The following NSD2 variants were observed in gnomAD, a reference collection of about 807,000 sequenced individuals.
NSD2 encodes the protein histone-lysine N-methyltransferase NSD2.
A neutral mutation model predicts 139.0 loss-of-function variants in NSD2; 12 were observed. The ratio of observed to expected loss-of-function variants is 0.09; its 90% CI spans 0.06 to 0.14. The LOEUF is 0.14. Ranked by LOEUF, NSD2 falls within the 10% of genes least tolerant of loss-of-function variation. The pLI is 1.00. For missense variants in NSD2, 1,155 were observed against 1,745.0 expected, an observed-to-expected ratio of 0.66 and a Z score of 6.02; for synonymous variants, 669 against 648.7, an observed-to-expected ratio of 1.03 and a Z score of -0.48.
chr4:1,978,370 A>G (rs1727345498), intron 21 of NSD2, among the ~76,000 whole-genome samples: 1 of 152,068 alleles, frequency 6.6e-6, no homozygotes, highest in Non-Finnish European at 1.5e-5. Context: ...ACACTCCTGC[A>G]CCCGGCACAG....
intron 1 of NSD2, among the ~76,000 whole-genome samples, chr4:1,898,416 G>A (rs1469140647): frequency 6.6e-6 from 1 of 152,194 alleles, no homozygotes; most frequent in Non-Finnish European, 1.5e-5. Context: ...TGTAATCCCA[G>A]CACTTTGGGA....
At chr4:1,938,306 C>T in intron 7 of NSD2, 145 bp from the exon 8 acceptor site, 1 of 653,992 alleles carries the variant, frequency 1.5e-6, no homozygotes. Flanking sequence ...TGCCACGAAA[C>T]TTTTCAGCAA....
At chr4:1,898,658 TAAA>T (rs967880779) in intron 1 of NSD2, among the ~76,000 whole-genome samples, 3 of 119,310 alleles carry the variant, frequency 2.5e-5, no homozygotes, top group Non-Finnish European at 3.5e-5. Flanking sequence ...AGACTCCGTC[TAAA>T]AAAAAAAAAA....
At chr4:1,878,109 G>A (rs1714396720) in intron 1 of NSD2, among the ~76,000 whole-genome samples, 1 of 150,284 alleles carries the variant, frequency 6.7e-6, no homozygotes, top group African/African-American at 2.4e-5. Flanking sequence ...CACCCAGGCT[G>A]GAGTGCAGTG....
chr4:1,951,389 C>A (rs1724209468), intron 10 of NSD2, among the ~76,000 whole-genome samples, 186 bp downstream of exon 10: 1 of 149,790 alleles, frequency 6.7e-6, no homozygotes. Flanking sequence ...TGAGTTGTCT[C>A]CATTAACATC....
chr4:1,901,318 G>A, intron 2 of NSD2, 67 bp downstream of exon 2: 6 of 1,351,812 alleles, frequency 4.4e-6, no homozygotes, highest in Non-Finnish European at 5.0e-6. Flanking sequence ...CCCTATGAGG[G>A]CACCTGCACG....
At chr4:1,935,370 C>A in intron 7 of NSD2, 108 bp downstream of exon 7, 2 of 773,234 alleles carry the variant, frequency 2.6e-6, no homozygotes, top group Non-Finnish European at 4.3e-6. Context: ...TGTCAGTGCA[C>A]CCAGCTCCTT....
chr4:1,963,863 T>A (rs1725608199), intron 18 of NSD2, among the ~76,000 whole-genome samples: 1 of 152,108 alleles, frequency 6.6e-6, no homozygotes, highest in East Asian at 1.9e-4. Context: ...AGAAAAAAAA[T>A]TAGCCGTGCC....
chr4:1,947,668 C>T, intron 9 of NSD2: 1 of 1,055,338 alleles, frequency 9.5e-7, no homozygotes, highest in Non-Finnish European at 1.1e-6. Flanking sequence ...GAGCACAGGG[C>T]TGTTGTCATT....
At chr4:1,964,473 C>T (rs1016242145) in intron 18 of NSD2, among the ~76,000 whole-genome samples, 2 of 152,174 alleles carry the variant, frequency 1.3e-5, no homozygotes, top group African/African-American at 4.8e-5. Flanking sequence ...ACCCATGCCC[C>T]ACAGACAGCC....
chr4:1,978,058 C>T lies in NSD2; in HGVS notation c.3827-580C>T, dbSNP rs183460701. 5.3e-4 allele frequency among the ~76,000 whole-genome samples: 80 copies of T among 151,894 alleles called. 1 individual carries two copies. Among genetic ancestry groups the T allele is most frequent in the Middle Eastern group, 6.8e-3 (2 of 294 alleles). Reference sequence around the variant, plus strand: ...AGCAGAATCACTTGAACCCAAGAGACGGAGGCTGCAGTGAGCCAAGATTGC... The same window carrying T: ...AGCAGAATCACTTGAACCCAAGAGATGGAGGCTGCAGTGAGCCAAGATTGC... On this transcript the variant is annotated intron_variant, in intron 21 of 21. Coordinates refer to ENST00000508803, the MANE Select transcript of NSD2 (RefSeq NM_001042424.3).
intron 11 of NSD2, chr4:1,952,965 T>A: frequency 7.0e-7 from 1 of 1,432,458 alleles, no homozygotes. Context: ...CCCAGAATGA[T>A]AAGTGACTGC....
rs766544960 is a variant in NSD2, at chr4:1,955,679, C to T, written c.2519-14C>T. ...AGACAGGCTAAGCCTGGCCGCCTCG[C>T]CCTCCTCTTGCAGGGGGGAGCCTTC... On this transcript the variant is annotated splice_polypyrimidine_tract_variant and intron_variant, in intron 13 of 21. Transcript: ENST00000508803. This position sits in a 1 kb window ranked among gnomAD's most constrained non-coding sequence, Gnocchi z 4.7. 2.5e-6 allele frequency: 4 copies of T among 1,608,096 alleles called. No individual in the cohort carries two copies. In the Admixed American group the frequency reaches 6.7e-5, roughly 27 times the overall value.
intron 5 of NSD2, among the ~76,000 whole-genome samples, chr4:1,929,310 T>A (rs896240154): frequency 2.0e-5 from 3 of 152,058 alleles, no homozygotes; most frequent in African/African-American, 7.3e-5. Context: ...TTACCTGTAT[T>A]GGCTGGGCAG....
At chr4:1,891,780 A>G (rs961172046) in intron 1 of NSD2, among the ~76,000 whole-genome samples, 5 of 151,146 alleles carry the variant, frequency 3.3e-5, no homozygotes, top group Middle Eastern at 3.2e-3. Flanking sequence ...TGGCGTGAAC[A>G]CGGGAGGCGG....
rs1352496907 is a variant in NSD2 at position 1,938,491 on chromosome 4, A to C, written c.1715A>C (p.Tyr572Ser). ...GACAAAACGGCCAGAACAAGCTCTTACAAGGCCATGGAGGCAGCCTCCTCG... is the reference window on the plus strand; with the variant it reads ...GACAAAACGGCCAGAACAAGCTCTTCCAAGGCCATGGAGGCAGCCTCCTCG... The part of the protein sequence containing the change: ...ITDKTARTSS[Y>S]KAMEAASSLK... Residue 572 changes from tyrosine to serine, a missense_variant, in exon 8 of 22, where the codon TAC becomes TCC. This residue lies in a region of NSD2 where 420 missense variants were observed against 469.0 expected (regional missense o/e 0.90). Transcript: ENST00000508803. The C allele has an allele frequency of 6.3e-7, 1 of 1,585,614 alleles. No homozygotes were observed. Among genetic ancestry groups the C allele is most frequent in the East Asian group, 2.3e-5 (1 of 44,056 alleles).
chr4:1,929,958 A>C (rs897248300), intron 5 of NSD2, among the ~76,000 whole-genome samples: 3 of 152,138 alleles, frequency 2.0e-5, no homozygotes, highest in Non-Finnish European at 4.4e-5. Context: ...GTGTCTGCGG[A>C]TCATCCTAGA....
intron 18 of NSD2, among the ~76,000 whole-genome samples, chr4:1,963,170 G>A (rs1725539784): frequency 6.6e-6 from 1 of 152,210 alleles, no homozygotes; most frequent in South Asian, 2.1e-4. Flanking sequence ...GGAAAGCTTT[G>A]CAGGGCTGGA....
intron 1 of NSD2, among the ~76,000 whole-genome samples, chr4:1,896,769 C>T (rs1259100291): frequency 2.0e-5 from 3 of 148,310 alleles, no homozygotes; most frequent in Admixed American, 6.9e-5. Context: ...CTTCTTTCTT[C>T]TCTTTTTTTT....
Sources: allele counts gnomAD v4.1 joint callset (sites outside exome capture counted in the v4.1 genomes callset), GRCh38; gene constraint gnomAD v4.1.1; regional missense constraint gnomAD v4.1.1; non-coding constraint Gnocchi (gnomAD v3.1); transcripts MANE v1.5; gene names NCBI Gene and HGNC (gene_info 2026-07-23, HGNC 2026-07-21).